XKR9: variants seen among roughly 807,000 people sequenced by gnomAD.
The protein encoded by XKR9 is XK-related protein 9.
XKR9 carries 32 observed loss-of-function variants against 32.0 expected under a neutral mutation model. That is an observed-to-expected ratio of 1.00 (90% CI 0.76 to 1.34). The LOEUF (loss-of-function observed/expected upper bound fraction) is 1.34, where lower values mean the gene tolerates loss of function less well. XKR9 is among the 40% of genes most tolerant of loss of function. The probability of loss-of-function intolerance (pLI) is 0.00; values close to 1 mark genes in which losing one functional copy is unlikely to be tolerated. For synonymous variants in XKR9, 168 were observed against 143.4 expected, an observed-to-expected ratio of 1.17 and a Z score of -1.22; for missense variants, 546 against 429.7, an observed-to-expected ratio of 1.27 and a Z score of -2.39.
downstream of XKR9, among the ~76,000 whole-genome samples, chr8:70,791,915 T>C (rs1807769171): frequency 6.6e-6 from 1 of 152,106 alleles, no homozygotes; most frequent in Non-Finnish European, 1.5e-5. Flanking sequence ...CAAGAATTTC[T>C]ATAGAAACTG....
At chr8:70,684,687 C>T (rs1200721080) in intron 3 of XKR9, among the ~76,000 whole-genome samples, 2 of 149,278 alleles carry the variant, frequency 1.3e-5, no homozygotes, top group Non-Finnish European at 3.0e-5. Flanking sequence ...GGGCGAAGGA[C>T]ATGAACAGAC....
the XKR9 span, among the ~76,000 whole-genome samples, chr8:70,911,223 A>G: frequency 1.3e-5 from 2 of 152,216 alleles, no homozygotes; most frequent in African/African-American, 4.8e-5. Context: ...AACAAAGCTC[A>G]AATTACTTGA....
At chr8:70,894,970 G>A in the XKR9 span, among the ~76,000 whole-genome samples, 1 of 152,088 alleles carries the variant, frequency 6.6e-6, no homozygotes, top group African/African-American at 2.4e-5. Context: ...CCAAGATGGT[G>A]TAGTGCAATA....
At chr8:70,857,831 A>C in the XKR9 span, among the ~76,000 whole-genome samples, 1 of 152,214 alleles carries the variant, frequency 6.6e-6, no homozygotes. Context: ...CAAGAAATGT[A>C]ATCCAGCATA....
At chr8:70,670,261 A>G (rs1474679006) in intron 1 of XKR9, among the ~76,000 whole-genome samples, 1 of 152,016 alleles carries the variant, frequency 6.6e-6, no homozygotes. Flanking sequence ...CCAGAGAGCT[A>G]GGCTGGTCTT....
chr8:70,872,679 A>C, the XKR9 span, among the ~76,000 whole-genome samples: 1 of 151,886 alleles, frequency 6.6e-6, no homozygotes, highest in Admixed American at 6.6e-5. Context: ...TTTTTTTTTC[A>C]GACCTAGTTT....
the XKR9 span, among the ~76,000 whole-genome samples, chr8:70,855,021 A>C: frequency 6.6e-6 from 1 of 152,038 alleles, no homozygotes; most frequent in African/African-American, 2.4e-5. Flanking sequence ...TTTTGGTTCC[A>C]TATGAACTTT....
chr8:70,869,986 G>T, the XKR9 span, among the ~76,000 whole-genome samples: 1 of 152,242 alleles, frequency 6.6e-6, no homozygotes, highest in South Asian at 2.1e-4. Flanking sequence ...GCAGTGTCTG[G>T]CATATAGTAG....
the XKR9 span, among the ~76,000 whole-genome samples, chr8:70,825,698 T>C: frequency 6.6e-6 from 1 of 152,098 alleles, no homozygotes. Context: ...ATTGCAGTCA[T>C]GTCTGTGAAT....
the XKR9 span, among the ~76,000 whole-genome samples, chr8:70,970,664 C>T: frequency 6.6e-6 from 1 of 152,166 alleles, no homozygotes; most frequent in Non-Finnish European, 1.5e-5. Context: ...TTTTTTATTG[C>T]ATAGTATTCT....
chr8:70,714,727 T>C (rs866298322), intron 4 of XKR9, among the ~76,000 whole-genome samples: 43 of 152,296 alleles, frequency 2.8e-4, no homozygotes, highest in African/African-American at 9.6e-4. Context: ...GCGTTTGAAT[T>C]GACATCTCTA....
downstream of XKR9, among the ~76,000 whole-genome samples, chr8:70,738,658 T>C (rs1322396471): frequency 6.6e-6 from 1 of 152,196 alleles, no homozygotes; most frequent in Non-Finnish European, 1.5e-5. Flanking sequence ...CCAGAGATTC[T>C]GGTATGTTGT....
At chr8:70,815,103 G>A in the XKR9 span, among the ~76,000 whole-genome samples, 2 of 152,104 alleles carry the variant, frequency 1.3e-5, no homozygotes, top group East Asian at 3.9e-4. Flanking sequence ...ACAAACAAAT[G>A]GAAAAACATT....
intron 4 of XKR9, among the ~76,000 whole-genome samples, chr8:70,731,878 C>T (rs998605362): frequency 3.3e-5 from 5 of 152,150 alleles, no homozygotes; most frequent in African/African-American, 1.2e-4. Flanking sequence ...TACACTAAGA[C>T]AAGATGGACA....
the XKR9 span, among the ~76,000 whole-genome samples, chr8:70,993,449 C>T: frequency 1.3e-5 from 2 of 152,096 alleles, no homozygotes; most frequent in East Asian, 3.9e-4. Flanking sequence ...GTCTGTGATT[C>T]CCCTGACAGT....
intron 2 of XKR9, among the ~76,000 whole-genome samples, chr8:70,678,913 A>G (rs1238381008): frequency 1.3e-5 from 2 of 152,214 alleles, no homozygotes; most frequent in African/African-American, 2.4e-5. Flanking sequence ...AAATTTTTTT[A>G]TAGAAACATA....
chr8:70,684,573 GGTCT>G (rs67186982), intron 3 of XKR9, among the ~76,000 whole-genome samples: 60,738 of 151,128 alleles, frequency 0.4, 13,659 homozygotes, highest in Non-Finnish European at 0.52. Context: ...ATATTTAATT[GGTCT>G]GTCTTAATTT....
At chr8:70,815,241 T>C in the XKR9 span, among the ~76,000 whole-genome samples, 1 of 152,174 alleles carries the variant, frequency 6.6e-6, no homozygotes, top group South Asian at 2.1e-4. Flanking sequence ...CATGGGGGTT[T>C]GTTGTACAGA....
At chr8:70,883,746 T>A in the XKR9 span, among the ~76,000 whole-genome samples, 1 of 152,156 alleles carries the variant, frequency 6.6e-6, no homozygotes, top group African/African-American at 2.4e-5. Context: ...AATATTCCAT[T>A]GTCTAGATGT....
Sources: gnomAD v4.1 joint callset for allele counts (sites outside exome capture counted in the v4.1 genomes callset) on GRCh38, gnomAD v4.1.1 for gene constraint, MANE v1.5 for transcripts, NCBI Gene and HGNC (gene_info 2026-07-23, HGNC 2026-07-21) for gene names.